DHX34: variants seen among roughly 807,000 people sequenced by gnomAD.
DHX34 encodes probable ATP-dependent RNA helicase DHX34.
A neutral mutation model predicts 111.1 loss-of-function variants in DHX34; 96 were observed. The ratio of observed to expected loss-of-function variants is 0.86; its 90% CI spans 0.73 to 1.02. The LOEUF is 1.02. Among genes scored for constraint, DHX34 ranks in the 50% least tolerant of loss-of-function variants. The pLI is 0.00. For missense variants in DHX34, 1,560 were observed against 1,579.9 expected, an observed-to-expected ratio of 0.99 and a Z score of 0.21; for synonymous variants, 688 against 670.4, an observed-to-expected ratio of 1.03 and a Z score of -0.41.
At chr19:47,373,019 A>G (rs1443616464) in intron 8 of DHX34, 96 bp downstream of exon 8, 1 of 1,410,002 alleles carries the variant, frequency 7.1e-7, no homozygotes, top group Non-Finnish European at 9.3e-7. Context: ...CCTCAGCCCC[A>G]CCCTGGGAGG....
At chr19:47,365,469 C>T (rs1428296026) in intron 6 of DHX34, among the ~76,000 whole-genome samples, 2 of 152,104 alleles carry the variant, frequency 1.3e-5, no homozygotes, top group African/African-American at 4.8e-5. Context: ...TCAGGCTGGT[C>T]TTGAACTTCT....
intron 6 of DHX34, among the ~76,000 whole-genome samples, chr19:47,364,148 A>G (rs566937305): frequency 1.2e-4 from 19 of 152,230 alleles, no homozygotes; most frequent in African/African-American, 4.3e-4. Flanking sequence ...CCAGCCAGCC[A>G]AAGGGTCAAG....
Position 47,380,895 on chromosome 19 carries a change from C to G in DHX34, c.3062C>G (p.Pro1021Arg), listed in dbSNP as rs774245376. The stretch of plus-strand genomic sequence containing the variant: ...GGACCCCAGACCATCCCAGCCACCC[C>G]CCATCTTCCTGGCCTCTTTGGCAGC... ...YVGPQTIPAT[P>R]HLPGLFGSST... The change falls in exon 15 of 17, where the codon CCC (proline) becomes CGC (arginine). Residue 1021 changes from proline to arginine, a missense_variant. Transcript: ENST00000328771. The G allele has an allele frequency of 2.5e-6, 4 of 1,613,792 alleles. No individual in the cohort carries two copies. The highest frequency in any genetic ancestry group is 3.3e-5 in the Admixed American group (2 of 59,974).
At chr19:47,380,629 G>C (rs1031921875) in intron 14 of DHX34, 187 bp from the exon 15 acceptor site, 3 of 985,054 alleles carry the variant, frequency 3.0e-6, no homozygotes, top group East Asian at 1.1e-4. Context: ...GATGGGGGTG[G>C]GTTATCAGGT....
intron 6 of DHX34, among the ~76,000 whole-genome samples, chr19:47,363,951 C>T (rs914350380): frequency 6.6e-6 from 1 of 152,110 alleles, no homozygotes; most frequent in Non-Finnish European, 1.5e-5. Flanking sequence ...CATTTTATGT[C>T]ATGATTTGTA....
intron 7 of DHX34, among the ~76,000 whole-genome samples, chr19:47,371,063 C>T (rs569222906): frequency 1.7e-4 from 26 of 152,352 alleles, no homozygotes; most frequent in East Asian, 5.8e-4. Flanking sequence ...TGCTGTGTGC[C>T]GGCGAAAGGC....
chr19:47,373,016 C>T (rs1970019147), intron 8 of DHX34, 93 bp downstream of exon 8: 1 of 1,429,436 alleles, frequency 7.0e-7, no homozygotes, highest in Admixed American at 2.5e-5. Context: ...CACCCTCAGC[C>T]CCACCCTGGG....
At chr19:47,364,904 G>A (rs946282624) in intron 6 of DHX34, among the ~76,000 whole-genome samples, 1 of 152,120 alleles carries the variant, frequency 6.6e-6, no homozygotes, top group Non-Finnish European at 1.5e-5. Flanking sequence ...GTGAGTGGCC[G>A]CTGGCTCCAG....
chr19:47,352,910 T>G lies in DHX34; in HGVS notation c.-121T>G. On this transcript the variant is annotated 5_prime_UTR_variant, in exon 2 of 17. Coordinates refer to ENST00000328771, the MANE Select transcript of DHX34 (RefSeq NM_014681.6). Reference sequence around the variant, plus strand: ...CGTGACCAGGAGGAAAAATTAGCTCTTTGAAGAGAAAGTAGTTCTCTATTG... The same window carrying G: ...CGTGACCAGGAGGAAAAATTAGCTCGTTGAAGAGAAAGTAGTTCTCTATTG... The G allele has an allele frequency of 6.9e-7, 1 of 1,450,010 alleles. No homozygotes were observed. 89.8% of individuals were successfully genotyped at this position (1,450,010 alleles called of 1,614,324 possible).
intron 8 of DHX34, 63 bp from the exon 9 acceptor site, chr19:47,373,536 G>C: frequency 6.4e-7 from 1 of 1,567,294 alleles, no homozygotes. Flanking sequence ...TGGGTGCTCG[G>C]TCAGCCCCTC....
At chr19:47,363,837 AT>A (rs1294662294) in intron 6 of DHX34, among the ~76,000 whole-genome samples, 227 of 145,736 alleles carry the variant, frequency 1.6e-3, no homozygotes, top group African/African-American at 5.5e-3. Context: ...AAAAAAAAAA[AT>A]GTCCATAGGG....
chr19:47,380,124 C>T (rs1243359653), intron 14 of DHX34, 139 bp downstream of exon 14: 43 of 1,387,934 alleles, frequency 3.1e-5, no homozygotes, highest in Non-Finnish European at 3.9e-5. Flanking sequence ...GAGGTTCAGT[C>T]ACTTACACAA....
chr19:47,376,863 C>T (rs1970179021), intron 12 of DHX34: 5 of 1,532,390 alleles, frequency 3.3e-6, no homozygotes, highest in East Asian at 4.9e-5. Flanking sequence ...GTGGGTCCTG[C>T]AGAGGGAGGC....
In DHX34 at chr19:47,352,739, G is replaced by A. The variant is rs1969323934; in HGVS notation, c.-277-15G>A. The A allele has an allele frequency of 9.2e-6, 4 of 433,174 alleles. No homozygotes were observed. Among genetic ancestry groups the A allele is most frequent in the Non-Finnish European group, 1.6e-5 (4 of 245,828 alleles). 26.8% of individuals were successfully genotyped at this position (433,174 alleles called of 1,614,324 possible). A position where few individuals can be genotyped will look rare whatever the true frequency, so the allele number is the denominator to read the frequency against. Reference sequence around the variant, plus strand: ...TCCCAAAAGAGAATTAATGTCTTCTGTTCTCTCTCTTAAGAATCCAGGGCC... The same window carrying A: ...TCCCAAAAGAGAATTAATGTCTTCTATTCTCTCTCTTAAGAATCCAGGGCC... On this transcript the variant is annotated splice_polypyrimidine_tract_variant and intron_variant, in intron 1 of 16. Coordinates refer to ENST00000328771, the MANE Select transcript of DHX34 (RefSeq NM_014681.6).
intron 7 of DHX34, among the ~76,000 whole-genome samples, chr19:47,367,464 G>T (rs985600137): frequency 1.3e-5 from 2 of 152,202 alleles, no homozygotes; most frequent in Non-Finnish European, 2.9e-5. Context: ...CGGGGTTGGG[G>T]AATGGGGAGT....
At position 47,376,502 on chromosome 19, in the gene DHX34, C is replaced by T. The variant is rs1300541362; in HGVS notation, c.2541C>T (p.Gly847=). The change falls in exon 12 of 17, where the codon GGC becomes GGT. Residue 847 remains glycine (G), a synonymous_variant. Transcript: ENST00000328771. ...TGCACCCCACCTGCGTCTTCGCTGGCAGCCCCGAGGTGCTGCACGCACAGG... is the reference window on the plus strand; with the variant it reads ...TGCACCCCACCTGCGTCTTCGCTGGTAGCCCCGAGGTGCTGCACGCACAGG... ...AVLHPTCVFA[G]SPEVLHAQEL... The T allele has an allele frequency of 8.1e-6, 13 of 1,603,214 alleles. No individual in the cohort carries two copies. The highest frequency in any genetic ancestry group is 1.7e-5 in the Admixed American group (1 of 58,678).
chr19:47,355,149 G>T lies in DHX34; in HGVS notation c.816G>T (p.Gln272His), dbSNP rs1308701918. 1 of 1,614,084 alleles carries T rather than the reference G, an allele frequency of 6.2e-7. No individual in the cohort carries two copies. The highest frequency in any genetic ancestry group is 1.1e-5 in the South Asian group (1 of 91,076). The change falls in exon 3 of 17, where the codon CAG becomes CAT. Residue 272 changes from glutamine to histidine, a missense_variant. Gln to His is a conservative substitution (Grantham distance 24, BLOSUM62 0). Coordinates refer to ENST00000328771, the MANE Select transcript of DHX34 (RefSeq NM_014681.6). ...TCCAGCGGGAACCCAGCCTGCCCCA[G>T]TATGAGGTCCTGATTGTGGATGAAG... ...RQIQREPSLP[Q>H]YEVLIVDEVH... is the part of the protein sequence containing the mutation.
intron 9 of DHX34, among the ~76,000 whole-genome samples, chr19:47,374,971 C>T (rs1470439994): frequency 6.6e-6 from 1 of 152,118 alleles, no homozygotes; most frequent in Non-Finnish European, 1.5e-5. Flanking sequence ...GCAGGGGTCT[C>T]AGATTTTATG....
chr19:47,375,544 C>T lies in DHX34; in HGVS notation c.2143C>T (p.Arg715Cys), dbSNP rs560357722. The stretch of plus-strand genomic sequence containing the variant: ...GGACAGCTACAGTCGGTTGCAGCAG[C>T]GCCGGGAGCGCCGGGCCCTGCACCA... ...VGDSYSRLQQ[R>C]RERRALHQLK... is the part of the protein sequence containing the mutation. The change falls in exon 10 of 17, where the codon CGC becomes TGC. Residue 715 changes from arginine (R) to cysteine (C), a missense_variant. Coordinates refer to ENST00000328771, the MANE Select transcript of DHX34 (RefSeq NM_014681.6). 7.7e-6 allele frequency: 12 copies of T among 1,550,832 alleles called. No homozygotes were observed. The highest frequency in any genetic ancestry group is 5.9e-5 in the South Asian group (5 of 85,214).
Sources: allele counts gnomAD v4.1 joint callset (sites outside exome capture counted in the v4.1 genomes callset), GRCh38; gene constraint gnomAD v4.1.1; transcripts MANE v1.5; gene names NCBI Gene and HGNC (gene_info 2026-07-23, HGNC 2026-07-21).